Variants in ALMS1 observed in about 807,000 individuals in gnomAD.
The protein encoded by ALMS1 is centrosome-associated protein ALMS1.
A neutral mutation model predicts 352.2 loss-of-function variants in ALMS1; 271 were observed. The ratio of observed to expected loss-of-function variants is 0.77; its 90% CI spans 0.70 to 0.85. The LOEUF (loss-of-function observed/expected upper bound fraction) is 0.85. ALMS1 is among the 40% of genes least tolerant of loss of function. The probability of loss-of-function intolerance (pLI) is 0.00; values close to 1 mark genes in which losing one functional copy is unlikely to be tolerated. For synonymous variants in ALMS1, 1,865 were observed against 1,761.2 expected, an observed-to-expected ratio of 1.06 and a Z score of -1.48; for missense variants, 5,445 against 4,870.7, an observed-to-expected ratio of 1.12 and a Z score of -3.51.
At chr2:73,470,888 C>G (rs2103841192) in intron 9 of ALMS1, 1 of 151,802 alleles carries the variant, frequency 6.6e-6, no homozygotes, top group East Asian at 1.9e-4. Flanking sequence ...TATTTAAAGT[C>G]TATATCGTCT....
chr2:73,519,744 A>G (rs1363379624), intron 10 of ALMS1, 31 bp from the exon 11 acceptor site: 2 of 1,613,492 alleles, frequency 1.2e-6, no homozygotes, highest in Admixed American at 3.3e-5. Flanking sequence ...CAAGGATATA[A>G]TCTGCTGTAT....
chr2:73,553,695 G>T (rs1406603753), intron 13 of ALMS1, among the ~76,000 whole-genome samples: 1 of 152,080 alleles, frequency 6.6e-6, no homozygotes, highest in Admixed American at 6.6e-5. Flanking sequence ...ATTGAATATT[G>T]ATTTAATCAC....
chr2:73,603,779 G>C (rs1232252554), intron 21 of ALMS1: 1 of 178,854 alleles, frequency 5.6e-6, no homozygotes, highest in African/African-American at 2.4e-5. Flanking sequence ...AGGATCTCTT[G>C]AACCTGGGAG....
At chr2:73,530,930 C>T (rs1409104731) in intron 11 of ALMS1, among the ~76,000 whole-genome samples, 1 of 152,240 alleles carries the variant, frequency 6.6e-6, no homozygotes, top group Non-Finnish European at 1.5e-5. Context: ...GGCACCAAGT[C>T]CCAAGGCTGT....
Position 73,450,555 on chromosome 2 carries a change from T to C in ALMS1, c.4028T>C (p.Phe1343Ser), listed in dbSNP as rs1671911288. ...TCACACACAGAGAAGCCTGGTGTTTTCTACCAACAGGTCTTGCCACATAGT... is the reference window on the plus strand; with the variant it reads ...TCACACACAGAGAAGCCTGGTGTTTCCTACCAACAGGTCTTGCCACATAGT... The part of the protein sequence containing the change: ...FYSHTEKPGV[F>S]YQQVLPHSHP... Residue 1343 changes from phenylalanine to serine, a missense_variant, in exon 8 of 23, where the codon TTC becomes TCC. Coordinates refer to ENST00000613296, the MANE Select transcript of ALMS1 (RefSeq NM_001378454.1). The C allele has an allele frequency of 6.2e-7, 1 of 1,612,396 alleles. No individual in the cohort carries two copies. Among genetic ancestry groups the C allele is most frequent in the Non-Finnish European group, 8.5e-7 (1 of 1,179,734 alleles).
chr2:73,574,856 ACTAT>A (rs1675020005), intron 16 of ALMS1, among the ~76,000 whole-genome samples: 2 of 152,270 alleles, frequency 1.3e-5, no homozygotes, highest in Admixed American at 1.3e-4. Context: ...AACCATCACC[ACTAT>A]CTATTTCCAG....
intron 9 of ALMS1, among the ~76,000 whole-genome samples, chr2:73,460,293 A>G (rs1403221867): frequency 6.6e-6 from 1 of 152,216 alleles, no homozygotes; most frequent in Non-Finnish European, 1.5e-5. Flanking sequence ...ATTTCTTTCA[A>G]CAATGAATGG....
At chr2:73,494,522 G>T (rs556534056) in intron 10 of ALMS1, among the ~76,000 whole-genome samples, 4 of 152,136 alleles carry the variant, frequency 2.6e-5, no homozygotes, top group Non-Finnish European at 5.9e-5. Flanking sequence ...CCAGGATTCC[G>T]TCTTGCATTT....
intron 2 of ALMS1, among the ~76,000 whole-genome samples, chr2:73,412,841 G>A (rs1244843555): frequency 6.6e-6 from 1 of 152,046 alleles, no homozygotes; most frequent in Non-Finnish European, 1.5e-5. Context: ...GGTTTGTTGA[G>A]TGATAAGGTA....
intron 11 of ALMS1, among the ~76,000 whole-genome samples, chr2:73,532,865 G>A (rs1190559187): frequency 6.6e-6 from 1 of 152,178 alleles, no homozygotes. Flanking sequence ...GCACATCTCT[G>A]AGTCTCACCC....
At position 73,600,750 on chromosome 2, in the gene ALMS1, C is replaced by A; in HGVS notation, c.11741C>A (p.Ser3914Tyr). 1 of 1,614,104 alleles carries A rather than the reference C, an allele frequency of 6.2e-7. No homozygotes were observed. The change falls in exon 18 of 23, where the codon TCC becomes TAC. Residue 3914 changes from serine to tyrosine, a missense_variant. Transcript: ENST00000613296. ...DVGITFPTPS[S>Y]SEAKLEENSD... ...GGGATAACTTTCCCAACTCCAAGTT[C>A]CAGCGAGGCTAAATTGGAAGAGAAC...
chr2:73,472,778 C>G (rs1214585772), intron 9 of ALMS1, among the ~76,000 whole-genome samples: 1 of 152,024 alleles, frequency 6.6e-6, no homozygotes, highest in African/African-American at 2.4e-5. Flanking sequence ...AGATCTTGCT[C>G]TCAAAAAATT....
Position 73,572,441 on chromosome 2 carries a change from CAT to C in ALMS1, c.10566_10567del (p.His3522GlnfsTer17), listed in dbSNP as rs1163532771. 6.2e-7 allele frequency: 1 copy of C among 1,613,864 alleles called. No homozygotes were observed. Among genetic ancestry groups the C allele is most frequent in the Non-Finnish European group, 8.5e-7 (1 of 1,179,966 alleles). ...KDFFQHHPDKHREHMCLPLPY... is the reference protein window; with the variant it reads ...KDFFQHHPDKXREHMCLPLPY... ...TTTCTTTCAGCATCATCCAGACAAACATAGAGAACACATGTGTCTTCCTCTTC... is the reference window on the plus strand; with the variant it reads ...TTTCTTTCAGCATCATCCAGACAAACAGAGAACACATGTGTCTTCCTCTTC... On this transcript the variant is annotated frameshift_variant, in exon 16 of 23. Coordinates refer to ENST00000613296, the MANE Select transcript of ALMS1 (RefSeq NM_001378454.1). LOFTEE classifies it high-confidence loss of function.
At chr2:73,480,061 T>A (rs890392209) in intron 9 of ALMS1, among the ~76,000 whole-genome samples, 1 of 151,692 alleles carries the variant, frequency 6.6e-6, no homozygotes, top group African/African-American at 2.4e-5. Context: ...TCTTTTTTTA[T>A]TTTTATTTTT....
rs1370417967 is a variant in ALMS1 at position 73,453,897 on chromosome 2, CAGAT to C, written c.7373_7376del (p.Asp2458AlafsTer18). ...TATGTTTCACCCAAGACAAGTATAA[CAGAT>C]AGCAGGGAGGAAGAGGGTGTGTCAG... On this transcript the variant is annotated frameshift_variant, in exon 8 of 23. Transcript: ENST00000613296. LOFTEE classifies it high-confidence loss of function. The C allele has an allele frequency of 5.0e-6, 8 of 1,613,914 alleles. No individual in the cohort carries two copies. The highest frequency in any genetic ancestry group is 6.8e-6 in the Non-Finnish European group (8 of 1,179,998).
At chr2:73,545,029 G>C (rs952884059) in intron 12 of ALMS1, among the ~76,000 whole-genome samples, 3 of 152,090 alleles carry the variant, frequency 2.0e-5, no homozygotes, top group Non-Finnish European at 4.4e-5. Flanking sequence ...GCTGGGGCTA[G>C]GGGGAGTGGG....
Position 73,487,643 on chromosome 2 carries a change from C to G in ALMS1, c.7675-1991C>G, listed in dbSNP as rs1387361336. 2.0e-5 allele frequency among the ~76,000 whole-genome samples: 3 copies of G among 152,162 alleles called. No homozygotes were observed. The South Asian group carries it at 6.2e-4, about 32-fold the overall frequency. On this transcript the variant is annotated intron_variant, in intron 9 of 22. Coordinates refer to ENST00000613296, the MANE Select transcript of ALMS1 (RefSeq NM_001378454.1). ...CTGTTTGTGTTACAGCTCTTTTAGT[C>G]CCACCATTTGGTGGATCCTGAGCTC... is the stretch of plus-strand genomic sequence containing the variant.
At chr2:73,494,396 CATA>C (rs1219267874) in intron 10 of ALMS1, among the ~76,000 whole-genome samples, 1 of 152,204 alleles carries the variant, frequency 6.6e-6, no homozygotes, top group Non-Finnish European at 1.5e-5. Context: ...ACCGTAACAT[CATA>C]ACCATAAAAT....
chr2:73,506,380 G>T (rs553101538), intron 10 of ALMS1, among the ~76,000 whole-genome samples: 1 of 152,180 alleles, frequency 6.6e-6, no homozygotes, highest in African/African-American at 2.4e-5. Flanking sequence ...ACTTTGGACA[G>T]TATGGCCATT....
Sources: gnomAD v4.1 joint callset for allele counts (sites outside exome capture counted in the v4.1 genomes callset) on GRCh38, gnomAD v4.1.1 for gene constraint, MANE v1.5 for transcripts, NCBI Gene and HGNC (gene_info 2026-07-23, HGNC 2026-07-21) for gene names.